The following ZC3H12B variants were observed in gnomAD, a reference collection of about 807,000 sequenced individuals.
ZC3H12B encodes zinc finger CCCH-type containing 12B.
A neutral mutation model predicts 43.9 loss-of-function variants in ZC3H12B; 7 were observed. The observed-to-expected ratio is 0.16, with a 90% CI of 0.09 to 0.30. The LOEUF (loss-of-function observed/expected upper bound fraction) is 0.30, where lower values mean the gene tolerates loss of function less well. Among genes scored for constraint, ZC3H12B ranks in the 10% least tolerant of loss-of-function variants. The pLI is 1.00. For missense variants in ZC3H12B, 475 were observed against 670.2 expected, an observed-to-expected ratio of 0.71 and a Z score of 3.22; for synonymous variants, 222 against 241.7, an observed-to-expected ratio of 0.92 and a Z score of 0.76.
At chrX:65,270,278 GAGGAA>G in the ZC3H12B span, among the ~76,000 whole-genome samples, 1 of 111,883 alleles carries the variant, frequency 8.9e-6, no homozygotes, top group Non-Finnish European at 1.9e-5. Flanking sequence ...AGGACACAAT[GAGGAA>G]AGGAGAGTGT....
At chrX:65,200,349 A>G in the ZC3H12B span, among the ~76,000 whole-genome samples, 1 of 106,976 alleles carries the variant, frequency 9.3e-6, no homozygotes, top group Non-Finnish European at 1.9e-5. Flanking sequence ...TGGATATTAC[A>G]CCTTTGTCAA....
chrX:65,315,318 T>C, the ZC3H12B span, among the ~76,000 whole-genome samples: 1 of 112,088 alleles, frequency 8.9e-6, no homozygotes, highest in South Asian at 3.6e-4. Flanking sequence ...AAGTAAAATA[T>C]ATGACAACAG....
At chrX:65,410,996 T>A (rs1602398332) in intron 3 of ZC3H12B, among the ~76,000 whole-genome samples, 2 of 112,462 alleles carry the variant, frequency 1.8e-5, no homozygotes, top group African/African-American at 6.5e-5. Context: ...AACAAAGAGA[T>A]ATCTGCACTC....
intron 2 of ZC3H12B, among the ~76,000 whole-genome samples, chrX:65,385,683 T>G (rs2066513753): frequency 8.9e-6 from 1 of 111,820 alleles, no homozygotes; most frequent in African/African-American, 3.3e-5. Context: ...AACACTGTGT[T>G]GAATAGGAAT....
the ZC3H12B span, among the ~76,000 whole-genome samples, chrX:65,131,800 A>G: frequency 9.0e-6 from 1 of 111,671 alleles, no homozygotes; most frequent in Non-Finnish European, 1.9e-5. Flanking sequence ...TAGGTAACGG[A>G]TGGAGAAGAA....
the ZC3H12B span, among the ~76,000 whole-genome samples, chrX:65,245,525 G>A: frequency 2.7e-5 from 3 of 112,108 alleles, no homozygotes; most frequent in Admixed American, 9.4e-5. Flanking sequence ...TGGAAGGCAA[G>A]GTTGGGTCTA....
intron 3 of ZC3H12B, chrX:65,470,317 G>T (rs572984760): frequency 1.3e-4 from 15 of 114,729 alleles, no homozygotes; most frequent in African/African-American, 4.3e-4. Flanking sequence ...GAGAAAAGAG[G>T]TTATCAGGTC....
At chrX:65,097,034 A>G in the ZC3H12B span, among the ~76,000 whole-genome samples, 1 of 111,634 alleles carries the variant, frequency 9.0e-6, no homozygotes, top group African/African-American at 3.3e-5. Context: ...CAGATTTGGC[A>G]ATCATGCCTC....
chrX:65,153,832 A>G, the ZC3H12B span, among the ~76,000 whole-genome samples: 1 of 110,821 alleles, frequency 9.0e-6, no homozygotes. Flanking sequence ...AACCAACCCA[A>G]ATGTCCAACA....
the ZC3H12B span, among the ~76,000 whole-genome samples, chrX:65,152,437 AACAG>A: frequency 4.5e-5 from 5 of 111,453 alleles, no homozygotes; most frequent in African/African-American, 9.8e-5. Context: ...ATACACCAAT[AACAG>A]ACAGAGAGCC....
the ZC3H12B span, among the ~76,000 whole-genome samples, chrX:65,339,927 G>A: frequency 9.0e-6 from 1 of 111,504 alleles, no homozygotes; most frequent in Non-Finnish European, 1.9e-5. Flanking sequence ...TTCTGATAGA[G>A]CATGTATGCA....
chrX:65,379,099 G>T (rs1314428009), intron 2 of ZC3H12B, among the ~76,000 whole-genome samples: 2 of 112,131 alleles, frequency 1.8e-5, no homozygotes, highest in African/African-American at 3.2e-5. Context: ...ACTGGGTGGA[G>T]CCTGCCACAG....
At chrX:65,361,626 A>C in the ZC3H12B span, among the ~76,000 whole-genome samples, 1 of 111,018 alleles carries the variant, frequency 9.0e-6, no homozygotes, top group Middle Eastern at 4.7e-3. Context: ...AAATATAAAA[A>C]CCCAGCCCAG....
chrX:65,440,282 G>A (rs1442781699), intron 3 of ZC3H12B, among the ~76,000 whole-genome samples: 3 of 112,242 alleles, frequency 2.7e-5, no homozygotes, highest in Non-Finnish European at 5.6e-5. Context: ...TAAAAAGGGT[G>A]CATTCTACTT....
the ZC3H12B span, among the ~76,000 whole-genome samples, chrX:65,132,969 G>C: frequency 9.0e-6 from 1 of 111,440 alleles, no homozygotes; most frequent in Admixed American, 9.5e-5. Flanking sequence ...AGGGGCTCTG[G>C]GAGTGGCTGC....
chrX:65,283,472 A>C, the ZC3H12B span, among the ~76,000 whole-genome samples: 3 of 111,664 alleles, frequency 2.7e-5, no homozygotes, highest in Admixed American at 2.8e-4. Context: ...AGTTCTGGCC[A>C]GGGCAATCAG....
At position 65,423,119 on chromosome X, in the gene ZC3H12B, G is replaced by T. The variant is rs756357448; in HGVS notation, n.407+24415G>T. On this transcript the variant is annotated intron_variant and non_coding_transcript_variant, in intron 3 of 5. Coordinates refer to the ZC3H12B transcript ENST00000617377. ...AGCTAATTTTTGTATTTTTAGTAGA[G>T]ATGGGGTTTCACCTTGTTAACCAGG... Among the ~76,000 whole-genome samples, 3 of 108,842 alleles carry T rather than the reference G, an allele frequency of 2.8e-5. No homozygotes were observed. In the East Asian group the frequency reaches 8.7e-4, roughly 31 times the overall value. The allele number at this position is 108,842 out of a possible 115,157, so 94.5% of individuals were successfully genotyped here.
chrX:65,076,244 T>C, the ZC3H12B span, among the ~76,000 whole-genome samples: 2 of 109,802 alleles, frequency 1.8e-5, no homozygotes, highest in East Asian at 5.8e-4. Flanking sequence ...AGCCTTGAAC[T>C]CCTGGGCTCA....
the ZC3H12B span, among the ~76,000 whole-genome samples, chrX:65,124,779 G>A: frequency 2.2e-4 from 24 of 110,770 alleles, no homozygotes; most frequent in South Asian, 8.6e-3. Context: ...ATGTAAAGGT[G>A]TTAATAGTAG....
Sources: gnomAD v4.1 joint callset for allele counts (sites outside exome capture counted in the v4.1 genomes callset) on GRCh38, gnomAD v4.1.1 for gene constraint, MANE v1.5 for transcripts, NCBI Gene and HGNC (gene_info 2026-07-23, HGNC 2026-07-21) for gene names.